GALNT13: variants seen among roughly 807,000 people sequenced by gnomAD.
GALNT13 encodes polypeptide N-acetylgalactosaminyltransferase 13.
A neutral mutation model predicts 64.2 loss-of-function variants in GALNT13; 28 were observed. The observed-to-expected ratio is 0.44, with a 90% CI of 0.32 to 0.60. The LOEUF is 0.60. Among genes scored for constraint, GALNT13 ranks in the 20% least tolerant of loss-of-function variants. GALNT13 has a pLI of 0.05. For synonymous variants in GALNT13, 214 were observed against 224.6 expected, an observed-to-expected ratio of 0.95 and a Z score of 0.42; for missense variants, 577 against 669.8, an observed-to-expected ratio of 0.86 and a Z score of 1.53.
chr2:154,163,001 CT>C (rs1001606019), intron 4 of GALNT13, among the ~76,000 whole-genome samples: 1 of 148,022 alleles, frequency 6.8e-6, no homozygotes, highest in Non-Finnish European at 1.5e-5. Flanking sequence ...TTTTATTATA[CT>C]TTAAGTTTTA....
chr2:153,381,313 T>TC, the GALNT13 span, among the ~76,000 whole-genome samples: 3 of 152,094 alleles, frequency 2.0e-5, no homozygotes, highest in East Asian at 1.9e-4. Flanking sequence ...GCCTTTTTTT[T>TC]CTCATTATTT....
intron 2 of GALNT13, among the ~76,000 whole-genome samples, chr2:153,904,013 T>C (rs1688400063): frequency 6.6e-6 from 1 of 152,032 alleles, no homozygotes. Flanking sequence ...TTAAATAATG[T>C]ATCCTTATAT....
At chr2:153,245,740 T>C in the GALNT13 span, among the ~76,000 whole-genome samples, 32 of 152,134 alleles carry the variant, frequency 2.1e-4, no homozygotes, top group Non-Finnish European at 4.3e-4. Flanking sequence ...ATGCCTCTTC[T>C]TCTTCAAATG....
intron 9 of GALNT13, among the ~76,000 whole-genome samples, chr2:154,375,721 A>T (rs1697952416): frequency 6.6e-6 from 1 of 152,158 alleles, no homozygotes; most frequent in South Asian, 2.1e-4. Context: ...CAAATCACGC[A>T]AACTGTGGTC....
the GALNT13 span, among the ~76,000 whole-genome samples, chr2:153,504,814 G>A: frequency 6.6e-6 from 1 of 152,110 alleles, no homozygotes; most frequent in Non-Finnish European, 1.5e-5. Context: ...TTGCATCTAT[G>A]TTCATTAGGG....
At chr2:153,317,852 A>C in the GALNT13 span, among the ~76,000 whole-genome samples, 1 of 152,058 alleles carries the variant, frequency 6.6e-6, no homozygotes, top group Non-Finnish European at 1.5e-5. Flanking sequence ...TTTTCCCTAC[A>C]TTTTGTCTTA....
chr2:153,705,984 A>G, the GALNT13 span, among the ~76,000 whole-genome samples: 1 of 152,024 alleles, frequency 6.6e-6, no homozygotes, highest in Non-Finnish European at 1.5e-5. Flanking sequence ...CTTTGTATTG[A>G]GGACTATATA....
At chr2:154,379,683 CAG>C (rs1698174306) in intron 9 of GALNT13, among the ~76,000 whole-genome samples, 2 of 152,120 alleles carry the variant, frequency 1.3e-5, no homozygotes, top group South Asian at 2.1e-4. Flanking sequence ...TATTGTCAAA[CAG>C]AAATCTATAA....
chr2:153,157,997 A>AG, the GALNT13 span, among the ~76,000 whole-genome samples: 1 of 152,286 alleles, frequency 6.6e-6, no homozygotes, highest in South Asian at 2.1e-4. Context: ...GAAAGTATTG[A>AG]GAAAAAAAAA....
chr2:154,306,274 C>T (rs538817572), intron 9 of GALNT13, among the ~76,000 whole-genome samples: 2 of 152,100 alleles, frequency 1.3e-5, no homozygotes, highest in Non-Finnish European at 1.5e-5. Flanking sequence ...CTACGTTAGG[C>T]ATTTCTCCTA....
At chr2:153,612,605 A>G in the GALNT13 span, among the ~76,000 whole-genome samples, 1 of 151,702 alleles carries the variant, frequency 6.6e-6, no homozygotes, top group African/African-American at 2.4e-5. Flanking sequence ...TCTCCAGTAC[A>G]TTCGAGGTTT....
chr2:154,073,011 C>T (rs759167876), intron 3 of GALNT13, among the ~76,000 whole-genome samples: 1 of 151,940 alleles, frequency 6.6e-6, no homozygotes, highest in African/African-American at 2.4e-5. Flanking sequence ...TAGGTCAAAA[C>T]TTTTTAAAAA....
chr2:154,238,677 T>G (rs972669282), intron 4 of GALNT13, among the ~76,000 whole-genome samples: 3 of 151,502 alleles, frequency 2.0e-5, no homozygotes, highest in Admixed American at 1.3e-4. Flanking sequence ...ACAGAAGGAG[T>G]CTTCTTTGCT....
chr2:153,842,288 G>C, the GALNT13 span, among the ~76,000 whole-genome samples: 15 of 152,098 alleles, frequency 9.9e-5, no homozygotes, highest in African/African-American at 3.6e-4. Context: ...TCAGAGTTGA[G>C]AGGCTAAAAC....
the GALNT13 span, among the ~76,000 whole-genome samples, chr2:153,679,653 A>C: frequency 6.6e-6 from 1 of 151,908 alleles, no homozygotes; most frequent in Admixed American, 6.6e-5. Context: ...AAATAAATTA[A>C]AAATTTCTCC....
the GALNT13 span, among the ~76,000 whole-genome samples, chr2:153,222,307 T>TGGGGGCAGGGGGCGGG: frequency 1.6e-4 from 1 of 6,328 alleles, no homozygotes; most frequent in African/African-American, 7.2e-4. Context: ...TGAGTCTGGC[T>TGGGGGCAGGGGGCGGG]GGGGGGGGGG....
At chr2:153,641,698 G>A in the GALNT13 span, among the ~76,000 whole-genome samples, 3 of 152,004 alleles carry the variant, frequency 2.0e-5, no homozygotes, top group Admixed American at 1.3e-4. Flanking sequence ...CTTCTGTTAT[G>A]CTGAAACAAA....
the GALNT13 span, among the ~76,000 whole-genome samples, chr2:153,855,651 C>G: frequency 6.6e-6 from 1 of 152,096 alleles, no homozygotes; most frequent in Non-Finnish European, 1.5e-5. Flanking sequence ...TATAAAATGA[C>G]ACAGCTGCTT....
At chr2:154,188,089 C>A (rs183226458) in intron 4 of GALNT13, among the ~76,000 whole-genome samples, 2 of 151,632 alleles carry the variant, frequency 1.3e-5, no homozygotes, top group Admixed American at 6.6e-5. Flanking sequence ...TTTCTCACAG[C>A]AGTGCAACTT....
Sources: gnomAD v4.1 joint callset for allele counts (sites outside exome capture counted in the v4.1 genomes callset) on GRCh38, gnomAD v4.1.1 for gene constraint, MANE v1.5 for transcripts, NCBI Gene and HGNC (gene_info 2026-07-23, HGNC 2026-07-21) for gene names.